The following PECAM1 variants were observed in gnomAD, a reference collection of about 807,000 sequenced individuals.
The protein encoded by PECAM1 is platelet and endothelial cell adhesion molecule 1, also known as platelet endothelial cell adhesion molecule.
A neutral mutation model predicts 13.8 loss-of-function variants in PECAM1; 8 were observed. The observed-to-expected ratio is 0.58, with a 90% confidence interval of 0.34 to 1.05. The LOEUF (loss-of-function observed/expected upper bound fraction) is 1.05, where lower values mean the gene tolerates loss of function less well. Among genes scored for constraint, PECAM1 ranks in the 50% least tolerant of loss-of-function variants. The pLI, the probability that PECAM1 is intolerant of heterozygous loss-of-function variation, is 0.03. For synonymous variants in PECAM1, 136 were observed against 52.6 expected, an observed-to-expected ratio of 2.58 and a Z score of -6.86; for missense variants, 304 against 141.2, an observed-to-expected ratio of 2.15 and a Z score of -5.84.
intron 12 of PECAM1, among the ~76,000 whole-genome samples, chr17:64,349,587 CAAAAAA>C (rs72236584): frequency 1.6e-5 from 1 of 64,152 alleles, no homozygotes; most frequent in African/African-American, 4.8e-5. Context: ...GACTCTGTAT[CAAAAAA>C]AAAAAAAAAA....
At chr17:64,387,922 A>G (rs951119881) in intron 2 of PECAM1, among the ~76,000 whole-genome samples, 15 of 152,176 alleles carry the variant, frequency 9.9e-5, no homozygotes, top group Admixed American at 2.6e-4. Context: ...CACGCACTGC[A>G]AATGCTGGCC....
rs1279743703 is a variant in PECAM1, at chr17:64,361,882, C to T, written c.1216+1267G>A. Among the ~76,000 whole-genome samples, 3 of 151,950 alleles carry T rather than the reference C, an allele frequency of 2.0e-5. No homozygotes were observed. In the East Asian group the frequency reaches 5.8e-4, roughly 29 times the overall value. On this transcript the variant is annotated intron_variant, in intron 6 of 15. Coordinates refer to ENST00000563924, the MANE Select transcript of PECAM1 (RefSeq NM_000442.5). ...AAACCTTATACAATGAGATTTCCTC[C>T]TCCCAAGAACAAAAAATAAAATAAA...
intron 2 of PECAM1, 125 bp from the exon 3 acceptor site, chr17:64,378,242 C>T (rs1452905961): frequency 2.0e-5 from 8 of 397,898 alleles, no homozygotes; most frequent in East Asian, 7.1e-5. Context: ...AGGGGTTCTA[C>T]GTGCCTACAG....
At position 64,358,723 on chromosome 17, in the gene PECAM1, C is replaced by T. The variant is rs1032604880; in HGVS notation, c.1492+1417G>A. ...AATTAGGAGAGCTTGTGTTTCTTACCACAGCATTGAAACAAAGAATATGTC... is the reference window on the plus strand; with the variant it reads ...AATTAGGAGAGCTTGTGTTTCTTACTACAGCATTGAAACAAAGAATATGTC... On this transcript the variant is annotated intron_variant, in intron 7 of 15. Coordinates refer to ENST00000563924, the MANE Select transcript of PECAM1 (RefSeq NM_000442.5). 3.3e-5 allele frequency among the ~76,000 whole-genome samples: 5 copies of T among 152,078 alleles called. 1 individual carries two copies. Among genetic ancestry groups the T allele is most frequent in the Non-Finnish European group, 7.4e-5 (5 of 68,020 alleles).
chr17:64,365,159 G>A (rs2143828118), intron 5 of PECAM1, among the ~76,000 whole-genome samples: 1 of 149,450 alleles, frequency 6.7e-6, no homozygotes, highest in South Asian at 2.1e-4. Context: ...AAAATCACAA[G>A]CATTCTTATA....
intron 11 of PECAM1, 140 bp from the exon 12 acceptor site, chr17:64,350,573 G>A (rs2035695418): frequency 2.5e-6 from 1 of 404,216 alleles, no homozygotes; most frequent in African/African-American, 2.1e-5. Context: ...TGGGTCCTGG[G>A]TCCCCTCGTT....
rs2036025215 is a variant in PECAM1, at chr17:64,363,141, A to G, written c.1216+8T>C. On this transcript the variant is annotated splice_region_variant and intron_variant, in intron 6 of 15. Transcript: ENST00000563924. The stretch of plus-strand genomic sequence containing the variant: ...GGATGTCCTCTGAGTCAGCAACAAT[A>G]TACTCACCACATACGACTATCTGGA... The G allele has an allele frequency of 4.2e-6, 2 of 475,396 alleles. No homozygotes were observed. The highest frequency in any genetic ancestry group is 2.0e-5 in the African/African-American group (1 of 50,630). 29.4% of individuals were successfully genotyped at this position (475,396 alleles called of 1,614,324 possible).
In PECAM1 at chr17:64,365,353, G is replaced by C. The variant is rs1168580576; in HGVS notation, c.968-1956C>G. On this transcript the variant is annotated intron_variant, in intron 5 of 15. Transcript: ENST00000563924. Reference sequence around the variant, plus strand: ...CAAACAAATGGAAGAACATTCCATGGTCATGGGTAGGAAGAATCAATATCG... The same window carrying C: ...CAAACAAATGGAAGAACATTCCATGCTCATGGGTAGGAAGAATCAATATCG... Among the ~76,000 whole-genome samples, 4 of 151,866 alleles carry C rather than the reference G, an allele frequency of 2.6e-5. No individual in the cohort carries two copies. In the South Asian group the frequency reaches 6.3e-4, roughly 24 times the overall value.
At chr17:64,335,700 C>T (rs970126250) in intron 14 of PECAM1, among the ~76,000 whole-genome samples, 36 of 152,258 alleles carry the variant, frequency 2.4e-4, no homozygotes, top group Non-Finnish European at 4.1e-4. Context: ...AATAATAGAA[C>T]CCCCATCAAC....
At chr17:64,347,411 A>G (rs2035596625) in intron 13 of PECAM1, among the ~76,000 whole-genome samples, 1 of 150,738 alleles carries the variant, frequency 6.6e-6, no homozygotes, top group South Asian at 2.1e-4. Context: ...CATGCCTGTA[A>G]TCCCAGCTAC....
intron 4 of PECAM1, among the ~76,000 whole-genome samples, chr17:64,370,978 T>G (rs959210251): frequency 2.6e-5 from 4 of 152,200 alleles, no homozygotes; most frequent in Non-Finnish European, 5.9e-5. Context: ...ATAGCCTGCC[T>G]TCTCAAATAA....
At chr17:64,343,959 C>T (rs2035498070) in intron 13 of PECAM1, among the ~76,000 whole-genome samples, 1 of 152,182 alleles carries the variant, frequency 6.6e-6, no homozygotes, top group East Asian at 1.9e-4. Context: ...GAACCCCGCA[C>T]TGTGGAAGAG....
intron 15 of PECAM1, among the ~76,000 whole-genome samples, chr17:64,325,104 G>A (rs1430206529): frequency 2.6e-5 from 4 of 152,356 alleles, no homozygotes; most frequent in African/African-American, 9.6e-5. Context: ...TGGTGAATTT[G>A]CCGGGCGGGC....
At chr17:64,329,308 T>C (rs1238676055) in intron 15 of PECAM1, among the ~76,000 whole-genome samples, 1 of 152,102 alleles carries the variant, frequency 6.6e-6, no homozygotes, top group Non-Finnish European at 1.5e-5. Flanking sequence ...CTGCAGCTGA[T>C]GGCCTGGTGT....
At chr17:64,378,144 C>T in intron 2 of PECAM1, 27 bp from the exon 3 acceptor site, 1 of 469,104 alleles carries the variant, frequency 2.1e-6, no homozygotes, top group East Asian at 3.1e-5. Context: ...GGAAGGCAGA[C>T]ATACCTGTTA....
chr17:64,339,300 T>C (rs1167095057), intron 14 of PECAM1, among the ~76,000 whole-genome samples: 7 of 152,290 alleles, frequency 4.6e-5, no homozygotes, highest in Admixed American at 3.9e-4. Flanking sequence ...CTGCGTGATC[T>C]TGGGCAAGCG....
At position 64,323,253 on chromosome 17, in the gene PECAM1, A is replaced by C. The variant is rs1203478157; in HGVS notation, c.*563T>G. 1 of 992,878 alleles carries C rather than the reference A, an allele frequency of 1.0e-6. No individual in the cohort carries two copies. The highest frequency in any genetic ancestry group is 1.2e-6 in the Non-Finnish European group (1 of 834,402). The allele number at this position is 992,878 out of a possible 1,614,324, so 61.5% of individuals were successfully genotyped here. On this transcript the variant is annotated 3_prime_UTR_variant, in exon 16 of 16. Coordinates refer to ENST00000563924, the MANE Select transcript of PECAM1 (RefSeq NM_000442.5). ...TGGTATTTCACAGGCGGTGCTCCCA[A>C]GTAGTCTGGTTTTCCCATTTGTGGA...
intron 4 of PECAM1, among the ~76,000 whole-genome samples, chr17:64,371,237 G>A (rs1025259775): frequency 2.0e-4 from 31 of 152,158 alleles, no homozygotes; most frequent in African/African-American, 7.2e-4. Context: ...AAACTGAGGC[G>A]CCATAAAGAA....
At position 64,321,379 on chromosome 17, in the gene PECAM1, C is replaced by T. The variant is rs2034808463; in HGVS notation, c.*2437G>A. 1.0e-6 allele frequency: 1 copy of T among 958,840 alleles called. No individual in the cohort carries two copies. The highest frequency in any genetic ancestry group is 4.8e-5 in the South Asian group (1 of 20,982). The allele number at this position is 958,840 out of a possible 1,614,324, so 59.4% of individuals were successfully genotyped here. A position where few individuals can be genotyped will look rare whatever the true frequency, so the allele number is the denominator to read the frequency against. On this transcript the variant is annotated 3_prime_UTR_variant, in exon 16 of 16. Coordinates refer to ENST00000563924, the MANE Select transcript of PECAM1 (RefSeq NM_000442.5). ...TCCTGGATTCAGACAGACCTTTTAG[C>T]CATTAAATCCACTAAGAAAGATCCC...
Sources: allele counts gnomAD v4.1 joint callset (sites outside exome capture counted in the v4.1 genomes callset), GRCh38; gene constraint gnomAD v4.1.1; transcripts MANE v1.5; gene names NCBI Gene and HGNC (gene_info 2026-07-23, HGNC 2026-07-21).